The following DDX4 variants were observed in gnomAD, a reference collection of about 807,000 sequenced individuals.
The protein encoded by DDX4 is DEAD-box helicase 4.
Under a neutral mutation model 100.0 loss-of-function variants are expected in DDX4, and 25 were observed. That is an observed-to-expected ratio of 0.25 (90% confidence interval 0.18 to 0.35). The LOEUF is 0.35. DDX4 is among the 10% of genes least tolerant of loss of function. The probability of loss-of-function intolerance (pLI) is 1.00; values close to 1 mark genes in which losing one functional copy is unlikely to be tolerated. For missense variants in DDX4, 635 were observed against 882.4 expected (o/e 0.72, Z 3.55); for synonymous variants, 259 against 275.7 (o/e 0.94, Z 0.60).
At chr5:55,778,269 A>G (rs1234986010) in intron 7 of DDX4, among the ~76,000 whole-genome samples, 1 of 152,144 alleles carries the variant, frequency 6.6e-6, no homozygotes, top group Non-Finnish European at 1.5e-5. Context: ...AGAGCACATG[A>G]AAACTTTGAG....
intron 9 of DDX4, among the ~76,000 whole-genome samples, chr5:55,781,559 T>A (rs1294006636): frequency 6.6e-6 from 1 of 152,034 alleles, no homozygotes; most frequent in African/African-American, 2.4e-5. Context: ...GGTGGATCAC[T>A]TGAGGCCAGG....
intron 13 of DDX4, 37 bp downstream of exon 13, chr5:55,785,908 C>A: frequency 6.8e-7 from 1 of 1,474,272 alleles, no homozygotes; most frequent in Non-Finnish European, 9.5e-7. Flanking sequence ...AGCTATGTAG[C>A]ACACTTTGCC....
At chr5:55,754,990 G>C (rs932649781) in intron 3 of DDX4, among the ~76,000 whole-genome samples, 15 of 152,128 alleles carry the variant, frequency 9.9e-5, no homozygotes, top group Non-Finnish European at 1.9e-4. Context: ...TCTGATGGTA[G>C]TAACCATTTT....
chr5:55,752,360 A>T (rs1392075213), intron 3 of DDX4, among the ~76,000 whole-genome samples: 1 of 126,520 alleles, frequency 7.9e-6, no homozygotes, highest in Non-Finnish European at 1.6e-5. Context: ...CAGTCCCCAG[A>T]GTGTGATATT....
chr5:55,746,192 A>C lies in DDX4; in HGVS notation c.98A>C (p.Asn33Thr). The C allele has an allele frequency of 6.2e-7, 1 of 1,612,480 alleles. No individual in the cohort carries two copies. The highest frequency in any genetic ancestry group is 1.3e-5 in the African/African-American group (1 of 74,974). Residue 33 changes from asparagine to threonine, a missense_variant, in exon 3 of 22, where the codon AAT becomes ACT. Physicochemically the swap from Asn to Thr is moderately conservative, Grantham distance 65 (BLOSUM62 0). This residue lies in a region of DDX4 where 446 missense variants were observed against 540.8 expected (regional missense o/e 0.82). Transcript: ENST00000505374. ...AGGTATTCTGGAGAAAATGGAGACA[A>C]TTTTAACAGGACTCCAGCTTCATCA... ...KDRYSGENGD[N>T]FNRTPASSSE...
intron 3 of DDX4, among the ~76,000 whole-genome samples, chr5:55,759,480 G>C (rs1002952008): frequency 2.7e-5 from 4 of 149,410 alleles, no homozygotes. Context: ...TCATGTATAT[G>C]AATTGATTAT....
chr5:55,758,461 C>A (rs1760080162), intron 3 of DDX4, among the ~76,000 whole-genome samples: 1 of 151,996 alleles, frequency 6.6e-6, no homozygotes, highest in African/African-American at 2.4e-5. Flanking sequence ...AGTTGTATGA[C>A]AGTTGAATTA....
intron 3 of DDX4, among the ~76,000 whole-genome samples, chr5:55,752,093 T>A (rs903577893): frequency 2.0e-5 from 3 of 152,076 alleles, no homozygotes; most frequent in African/African-American, 7.2e-5. Context: ...TATTGAGGAG[T>A]TTTGTTTGTG....
chr5:55,747,051 C>G (rs746076707), intron 3 of DDX4, among the ~76,000 whole-genome samples: 1 of 152,104 alleles, frequency 6.6e-6, no homozygotes, highest in Non-Finnish European at 1.5e-5. Flanking sequence ...TGAGGTCATT[C>G]GAGACCAGCT....
chr5:55,783,666 G>GATGGATGGATGA (rs1352424756), intron 10 of DDX4, among the ~76,000 whole-genome samples: 6 of 125,424 alleles, frequency 4.8e-5, no homozygotes, highest in South Asian at 2.7e-4. Context: ...TGGATGGATG[G>GATGGATGGATGA]ATGGATGGAT....
intron 4 of DDX4, among the ~76,000 whole-genome samples, chr5:55,762,701 T>C (rs1580535820): frequency 6.6e-6 from 1 of 152,054 alleles, no homozygotes; most frequent in Non-Finnish European, 1.5e-5. Flanking sequence ...GGAGTGGTAG[T>C]CTTAGGTTTT....
intron 10 of DDX4, among the ~76,000 whole-genome samples, chr5:55,783,559 TA>T (rs1742049785): frequency 6.6e-6 from 1 of 152,034 alleles, no homozygotes; most frequent in South Asian, 2.1e-4. Flanking sequence ...AAATCTTACT[TA>T]AAAGGCTGTT....
intron 17 of DDX4, among the ~76,000 whole-genome samples, chr5:55,797,042 C>A (rs548150092): frequency 1.3e-5 from 2 of 151,836 alleles, no homozygotes; most frequent in African/African-American, 4.8e-5. Context: ...TGGGGTTTCA[C>A]CATGTTGGCC....
intron 3 of DDX4, among the ~76,000 whole-genome samples, chr5:55,757,377 T>C (rs1383770484): frequency 1.3e-5 from 2 of 152,210 alleles, no homozygotes; most frequent in Non-Finnish European, 2.9e-5. Context: ...GGTTTTCCAT[T>C]CCTGAGTTAA....
At chr5:55,785,153 G>A (rs1742165478) in intron 10 of DDX4, 144 bp from the exon 11 acceptor site, 4 of 668,310 alleles carry the variant, frequency 6.0e-6, no homozygotes, top group African/African-American at 3.6e-5. Context: ...AAATGTACAA[G>A]GTTCTATTTA....
intron 4 of DDX4, among the ~76,000 whole-genome samples, chr5:55,761,543 T>C (rs1474779685): frequency 6.6e-6 from 1 of 151,840 alleles, no homozygotes; most frequent in Non-Finnish European, 1.5e-5. Context: ...CCTGGGACAT[T>C]GTAGACCCAT....
At chr5:55,812,405 C>CA (rs561807367) in intron 18 of DDX4, among the ~76,000 whole-genome samples, 31 of 151,118 alleles carry the variant, frequency 2.1e-4, no homozygotes, top group African/African-American at 4.4e-4. Flanking sequence ...ACTAAAAATA[C>CA]AAAAAAAAAT....
In DDX4 at chr5:55,808,380, G is replaced by T. The variant is rs553393097; in HGVS notation, c.1616-5293G>T. Among the ~76,000 whole-genome samples the T allele has an allele frequency of 4.1e-4, 62 of 152,296 alleles. 2 individuals carry two copies. In the South Asian group the frequency reaches 0.013, roughly 31 times the overall value. The stretch of plus-strand genomic sequence containing the variant: ...GGTGAGGAGCTGCGTTCCTTTGGAC[G>T]AGGAGTGGCACTCTGATTTTTAGAG... On this transcript the variant is annotated intron_variant, in intron 18 of 21. Coordinates refer to ENST00000505374, the MANE Select transcript of DDX4 (RefSeq NM_024415.3).
At chr5:55,793,557 C>T (rs548646367) in intron 17 of DDX4, among the ~76,000 whole-genome samples, 3 of 152,264 alleles carry the variant, frequency 2.0e-5, no homozygotes, top group Middle Eastern at 3.4e-3. Context: ...AGTGGAACTG[C>T]GTTCTCTTTG....
Sources: allele counts gnomAD v4.1 joint callset (sites outside exome capture counted in the v4.1 genomes callset), GRCh38; gene constraint gnomAD v4.1.1; regional missense constraint gnomAD v4.1.1; transcripts MANE v1.5; gene names NCBI Gene and HGNC (gene_info 2026-07-23, HGNC 2026-07-21).